The following WWOX variants were observed in gnomAD, a reference collection of about 807,000 sequenced individuals.
WWOX encodes the protein WW domain containing oxidoreductase.
In WWOX, 69 loss-of-function variants were observed where a neutral mutation model predicts 46.2. The ratio of observed to expected loss-of-function variants is 1.49; its 90% CI spans 1.23 to 1.82. WWOX has a LOEUF of 1.82. WWOX is among the 40% of genes most tolerant of loss of function. The probability of loss-of-function intolerance (pLI) is 0.00; values close to 1 mark genes in which losing one functional copy is unlikely to be tolerated. For missense variants in WWOX, 919 were observed against 542.6 expected (o/e 1.69, Z -6.89); for synonymous variants, 359 against 202.6 (o/e 1.77, Z -6.56).
At chr16:79,177,969 C>T (rs1311753646) in intron 8 of WWOX, among the ~76,000 whole-genome samples, 5 of 152,236 alleles carry the variant, frequency 3.3e-5, no homozygotes, top group Non-Finnish European at 7.4e-5. Context: ...GTTGAGGGCT[C>T]GTTCCCTGGC....
chr16:78,906,802 C>G (rs149819359), intron 8 of WWOX, among the ~76,000 whole-genome samples: 1 of 152,202 alleles, frequency 6.6e-6, no homozygotes, highest in Admixed American at 6.5e-5. Context: ...TTATCACCCA[C>G]AGTGTTTTAT....
At chr16:78,930,529 G>C (rs1253485657) in intron 8 of WWOX, among the ~76,000 whole-genome samples, 2 of 144,678 alleles carry the variant, frequency 1.4e-5, no homozygotes, top group African/African-American at 2.6e-5. Context: ...AGCCTCAAGT[G>C]ATCCGCCAGC....
At chr16:78,947,129 A>G (rs1470447632) in intron 8 of WWOX, among the ~76,000 whole-genome samples, 1 of 152,098 alleles carries the variant, frequency 6.6e-6, no homozygotes, top group Non-Finnish European at 1.5e-5. Flanking sequence ...GGAAAAAGGA[A>G]TGCACATTAG....
intron 6 of WWOX, among the ~76,000 whole-genome samples, chr16:78,394,076 C>T (rs79133503): frequency 1.3e-5 from 2 of 152,138 alleles, no homozygotes; most frequent in East Asian, 3.9e-4. Flanking sequence ...AAATAAATTC[C>T]AAATTTTGTG....
chr16:78,119,625 A>ATT (rs780629307), intron 4 of WWOX, among the ~76,000 whole-genome samples: 22 of 144,122 alleles, frequency 1.5e-4, no homozygotes, highest in Non-Finnish European at 2.6e-4. Flanking sequence ...CATCCATTAA[A>ATT]TTTTTTTTTT....
intron 8 of WWOX, among the ~76,000 whole-genome samples, chr16:78,721,787 C>G (rs774484176): frequency 6.6e-6 from 1 of 152,124 alleles, no homozygotes; most frequent in Non-Finnish European, 1.5e-5. Context: ...GCAGGTGCTC[C>G]GAAGATACCC....
intron 8 of WWOX, among the ~76,000 whole-genome samples, chr16:78,472,379 G>A (rs942282537): frequency 1.3e-5 from 2 of 152,110 alleles, no homozygotes; most frequent in Non-Finnish European, 2.9e-5. Flanking sequence ...AAACTTTGGG[G>A]CCTTGTTCAT....
intron 8 of WWOX, among the ~76,000 whole-genome samples, chr16:78,796,511 A>C (rs999930693): frequency 2.6e-5 from 4 of 152,254 alleles, no homozygotes; most frequent in Non-Finnish European, 5.9e-5. Context: ...TCGAGGAGGC[A>C]AGAGAAATGT....
At chr16:78,575,022 A>ATATATATATATATATATATATATAT (rs2044824547) in intron 8 of WWOX, among the ~76,000 whole-genome samples, 1 of 13,998 alleles carries the variant, frequency 7.1e-5, no homozygotes, top group Non-Finnish European at 1.4e-4. Context: ...TATATATATA[A>ATATATATATATATATATATATATAT]ATATATATAT....
chr16:78,968,360 C>G (rs1346407554), intron 8 of WWOX, among the ~76,000 whole-genome samples: 1 of 152,164 alleles, frequency 6.6e-6, no homozygotes. Context: ...TGAGCCCTGG[C>G]CATTTTGTGT....
chr16:78,598,586 C>T (rs961923899), intron 8 of WWOX, among the ~76,000 whole-genome samples: 2 of 152,080 alleles, frequency 1.3e-5, no homozygotes, highest in Admixed American at 6.5e-5. Flanking sequence ...TCGGTGACGC[C>T]AACACACCTC....
chr16:78,645,530 G>C (rs1219801911), intron 8 of WWOX, among the ~76,000 whole-genome samples: 1 of 152,106 alleles, frequency 6.6e-6, no homozygotes, highest in African/African-American at 2.4e-5. Flanking sequence ...TTTCTGATGA[G>C]GGCGTCAGGC....
chr16:78,703,969 A>C (rs1228483689), intron 8 of WWOX, among the ~76,000 whole-genome samples: 4 of 152,128 alleles, frequency 2.6e-5, no homozygotes, highest in Non-Finnish European at 5.9e-5. Context: ...CATTTTAACC[A>C]TTTCTCAGTG....
chr16:78,147,693 TTTTAAAAA>T (rs1213464922), intron 4 of WWOX, among the ~76,000 whole-genome samples: 24 of 109,040 alleles, frequency 2.2e-4, no homozygotes, highest in Admixed American at 6.3e-4. Context: ...TTTTTTTTTT[TTTTAAAAA>T]AAAAAAAGGT....
At chr16:79,158,231 G>A (rs556382284) in intron 8 of WWOX, among the ~76,000 whole-genome samples, 1 of 152,118 alleles carries the variant, frequency 6.6e-6, no homozygotes, top group South Asian at 2.1e-4. Flanking sequence ...CTATTAAGGA[G>A]GAGATGATCA....
chr16:78,670,506 G>A (rs1377714333), intron 8 of WWOX, among the ~76,000 whole-genome samples: 1 of 151,914 alleles, frequency 6.6e-6, no homozygotes, highest in Non-Finnish European at 1.5e-5. Flanking sequence ...CCCTCTGAAT[G>A]TGGGTTATGG....
At chr16:79,006,462 A>T (rs1241037850) in intron 8 of WWOX, among the ~76,000 whole-genome samples, 1 of 152,014 alleles carries the variant, frequency 6.6e-6, no homozygotes, top group Admixed American at 6.6e-5. Flanking sequence ...AGCTGTAGAT[A>T]ACAAAAATTT....
chr16:78,262,177 T>C (rs149706817), intron 5 of WWOX, among the ~76,000 whole-genome samples: 45 of 149,876 alleles, frequency 3.0e-4, no homozygotes, highest in Middle Eastern at 3.4e-3. Flanking sequence ...ATAGTACCAG[T>C]TGGTTGTAAG....
intron 8 of WWOX, among the ~76,000 whole-genome samples, chr16:78,921,930 T>G (rs887048353): frequency 5.3e-5 from 8 of 152,164 alleles, no homozygotes; most frequent in Admixed American, 5.2e-4. Flanking sequence ...AGGATACAGG[T>G]TAAAATTAGA....
Sources: gnomAD v4.1 joint callset for allele counts (sites outside exome capture counted in the v4.1 genomes callset) on GRCh38, gnomAD v4.1.1 for gene constraint, MANE v1.5 for transcripts, NCBI Gene and HGNC (gene_info 2026-07-23, HGNC 2026-07-21) for gene names.